Variants in CFAP95 observed in about 807,000 individuals in gnomAD.
CFAP95 encodes cilia- and flagella-associated protein 95.
At chr9:69,903,509 G>A in the CFAP95 span, among the ~76,000 whole-genome samples, 1 of 152,128 alleles carries the variant, frequency 6.6e-6, no homozygotes, top group Non-Finnish European at 1.5e-5. Flanking sequence ...AGCTTACTAT[G>A]CTCACCTCTT....
the CFAP95 span, chr9:69,905,961 C>T: frequency 6.3e-7 from 1 of 1,598,382 alleles, no homozygotes; most frequent in Non-Finnish European, 8.5e-7. Flanking sequence ...TAGGCTTATC[C>T]CTGTCAAGAT....
the CFAP95 span, among the ~76,000 whole-genome samples, chr9:69,871,656 G>C: frequency 6.6e-6 from 1 of 152,074 alleles, no homozygotes. Context: ...TTGATTCCTA[G>C]GCTTCTGGCT....
the CFAP95 span, among the ~76,000 whole-genome samples, chr9:69,828,123 C>T: frequency 1.3e-5 from 2 of 152,128 alleles, no homozygotes; most frequent in Non-Finnish European, 2.9e-5. Flanking sequence ...CTCAACAATG[C>T]CTGACTTTCA....
chr9:69,841,836 T>C, the CFAP95 span, among the ~76,000 whole-genome samples: 1 of 152,126 alleles, frequency 6.6e-6, no homozygotes, highest in South Asian at 2.1e-4. Context: ...ATGAGACTTG[T>C]TCACTATCAT....
chr9:69,841,100 T>TAAAAA, the CFAP95 span, among the ~76,000 whole-genome samples: 15 of 136,724 alleles, frequency 1.1e-4, no homozygotes, highest in Non-Finnish European at 1.4e-4. Flanking sequence ...CTTCTTCCAT[T>TAAAAA]AAAAAAAAAG....
At chr9:69,822,283 C>T in the CFAP95 span, among the ~76,000 whole-genome samples, 2 of 152,200 alleles carry the variant, frequency 1.3e-5, no homozygotes, top group African/African-American at 4.8e-5. Context: ...AGGCTAAGCC[C>T]GACTTCATCC....
the CFAP95 span, among the ~76,000 whole-genome samples, chr9:69,861,854 GA>G: frequency 0.56 from 84,908 of 150,816 alleles, 24,111 homozygotes; most frequent in East Asian, 0.82. Flanking sequence ...AGAGTTATCA[GA>G]GACTTGATGT....
the CFAP95 span, among the ~76,000 whole-genome samples, chr9:69,862,814 C>G: frequency 2.6e-5 from 4 of 152,122 alleles, no homozygotes; most frequent in Non-Finnish European, 5.9e-5. Flanking sequence ...ACCTGTATCC[C>G]ACTGACTTTA....
chr9:69,872,683 C>T, the CFAP95 span, among the ~76,000 whole-genome samples: 1 of 152,126 alleles, frequency 6.6e-6, no homozygotes, highest in Non-Finnish European at 1.5e-5. Flanking sequence ...AGAAATTGAT[C>T]TCTAAAAAAT....
the CFAP95 span, among the ~76,000 whole-genome samples, chr9:69,885,616 C>T: frequency 6.6e-6 from 1 of 152,136 alleles, no homozygotes; most frequent in Non-Finnish European, 1.5e-5. Context: ...CTTGGCTATA[C>T]TTGTAGACTT....
chr9:69,870,397 G>C, the CFAP95 span, among the ~76,000 whole-genome samples: 6 of 152,180 alleles, frequency 3.9e-5, no homozygotes, highest in Non-Finnish European at 8.8e-5. Flanking sequence ...ACATTTATTT[G>C]GTCACCTGGC....
the CFAP95 span, among the ~76,000 whole-genome samples, chr9:69,853,541 G>A: frequency 3.3e-5 from 5 of 152,250 alleles, no homozygotes; most frequent in South Asian, 6.2e-4. Context: ...ATACCAAATT[G>A]CCAATCTCCA....
the CFAP95 span, among the ~76,000 whole-genome samples, chr9:69,900,119 C>T: frequency 1.3e-5 from 2 of 151,984 alleles, no homozygotes; most frequent in African/African-American, 2.4e-5. Context: ...AACTGCATTG[C>T]AAATTGAGGA....
chr9:69,887,166 G>A, the CFAP95 span, among the ~76,000 whole-genome samples: 1 of 152,022 alleles, frequency 6.6e-6, no homozygotes, highest in African/African-American at 2.4e-5. Flanking sequence ...TCCCCTCCCT[G>A]AATTCAATTT....
the CFAP95 span, among the ~76,000 whole-genome samples, chr9:69,867,045 G>C: frequency 5.3e-5 from 8 of 152,134 alleles, no homozygotes; most frequent in Non-Finnish European, 1.2e-4. Context: ...TTGCATATAG[G>C]ATATCTCTCC....
At chr9:69,850,321 T>G in the CFAP95 span, among the ~76,000 whole-genome samples, 1 of 152,226 alleles carries the variant, frequency 6.6e-6, no homozygotes, top group Admixed American at 6.5e-5. Context: ...AGGACAACAT[T>G]GTTGAGCAAA....
chr9:69,843,507 CTCCTCCTCCTCCTCCTCCTCCT>C, the CFAP95 span, among the ~76,000 whole-genome samples: 1 of 950 alleles, frequency 1.1e-3, no homozygotes, highest in African/African-American at 2.7e-3. Context: ...TCCTCCCCCC[CTCCTCCTCCTCCTCCTCCTCCT>C]CCTCCTCCTC....
chr9:69,877,707 A>T, the CFAP95 span, among the ~76,000 whole-genome samples: 1 of 152,194 alleles, frequency 6.6e-6, no homozygotes, highest in South Asian at 2.1e-4. Flanking sequence ...TTAAAAATGT[A>T]AACAACTTTG....
the CFAP95 span, among the ~76,000 whole-genome samples, chr9:69,852,570 T>A: frequency 6.6e-6 from 1 of 152,086 alleles, no homozygotes; most frequent in Non-Finnish European, 1.5e-5. Context: ...GGGGCCTCAA[T>A]GATACCACCC....
Sources: allele counts gnomAD v4.1 joint callset (sites outside exome capture counted in the v4.1 genomes callset), GRCh38; gene constraint gnomAD v4.1.1; transcripts MANE v1.5; gene names NCBI Gene and HGNC (gene_info 2026-07-23, HGNC 2026-07-21).